The following DIP2C variants were observed in gnomAD, a reference collection of about 807,000 sequenced individuals.
DIP2C encodes the protein disco-interacting protein 2 homolog C.
Under a neutral mutation model 192.4 loss-of-function variants are expected in DIP2C, and 33 were observed. The ratio of observed to expected loss-of-function variants is 0.17; its 90% CI spans 0.13 to 0.23. The LOEUF is 0.23. Among genes scored for constraint, DIP2C ranks in the 10% least tolerant of loss-of-function variants. The pLI is 1.00. For missense variants in DIP2C, 1,537 were observed against 2,110.1 expected (o/e 0.73, Z 5.32); for synonymous variants, 979 against 864.1 (o/e 1.13, Z -2.33).
chr10:644,286 G>A (rs548926403), intron 1 of DIP2C, among the ~76,000 whole-genome samples: 27 of 152,340 alleles, frequency 1.8e-4, no homozygotes, highest in East Asian at 1.3e-3. Context: ...GAGCTGTCCC[G>A]CCAGCCTCTG....
intron 1 of DIP2C, among the ~76,000 whole-genome samples, chr10:649,265 T>C (rs1335554911): frequency 1.4e-5 from 2 of 146,228 alleles, no homozygotes; most frequent in South Asian, 4.4e-4. Context: ...AGAGGAAAAC[T>C]GAGTCCACGT....
chr10:313,473 C>T (rs565823692), intron 31 of DIP2C, among the ~76,000 whole-genome samples: 41 of 51,790 alleles, frequency 7.9e-4, no homozygotes, highest in East Asian at 1.8e-3. Flanking sequence ...CCCAAATATT[C>T]GAAAAAACTG....
intron 2 of DIP2C, among the ~76,000 whole-genome samples, chr10:480,735 A>G (rs1420610141): frequency 9.2e-5 from 14 of 152,240 alleles, no homozygotes; most frequent in African/African-American, 3.4e-4. Flanking sequence ...AAAGACCAGG[A>G]AATAAACGTA....
chr10:430,906 T>C (rs560557815), intron 4 of DIP2C, among the ~76,000 whole-genome samples: 23 of 152,354 alleles, frequency 1.5e-4, no homozygotes, highest in African/African-American at 4.8e-4. Flanking sequence ...GTAAGGTCTG[T>C]GACTAGGTTT....
At chr10:602,972 G>A (rs1409534210) in intron 1 of DIP2C, among the ~76,000 whole-genome samples, 5 of 152,102 alleles carry the variant, frequency 3.3e-5, no homozygotes, top group Non-Finnish European at 5.9e-5. Context: ...AGGCAAGAGT[G>A]CTGGGTGATT....
At chr10:621,001 A>G (rs1387462953) in intron 1 of DIP2C, among the ~76,000 whole-genome samples, 2 of 152,132 alleles carry the variant, frequency 1.3e-5, no homozygotes, top group Non-Finnish European at 2.9e-5. Flanking sequence ...ACGTTCTTGT[A>G]GTTTTCAGTT....
At chr10:373,573 G>A (rs897395832) in intron 17 of DIP2C, among the ~76,000 whole-genome samples, 1 of 152,066 alleles carries the variant, frequency 6.6e-6, no homozygotes, top group African/African-American at 2.4e-5. Flanking sequence ...ACCCCTTGTG[G>A]TCTTTGGAAC....
intron 17 of DIP2C, among the ~76,000 whole-genome samples, chr10:382,342 C>T (rs530346108): frequency 6.6e-6 from 1 of 152,300 alleles, no homozygotes; most frequent in African/African-American, 2.4e-5. Flanking sequence ...TTGGTACACG[C>T]ACATGGAAAT....
intron 1 of DIP2C, among the ~76,000 whole-genome samples, chr10:541,241 T>TG (rs1847968132): frequency 6.6e-6 from 1 of 152,166 alleles, no homozygotes; most frequent in Non-Finnish European, 1.5e-5. Flanking sequence ...ACATCCACTC[T>TG]GGCTGAGGTG....
At position 277,298 on chromosome 10, in the gene DIP2C, A is replaced by G. The variant is rs771920647; in HGVS notation, c.*27T>C. On this transcript the variant is annotated 3_prime_UTR_variant, in exon 37 of 37. Coordinates refer to ENST00000280886, the MANE Select transcript of DIP2C (RefSeq NM_014974.3). ...GGAGAACAATGTCTACATCTCTAGA[A>G]AAGTCCATGGAAGCCAAGAGACGAG... 4.3e-6 allele frequency: 7 copies of G among 1,610,956 alleles called. No individual in the cohort carries two copies. The African/African-American group carries it at 6.7e-5, about 15-fold the overall frequency.
At chr10:657,024 T>C (rs1056132514) in intron 1 of DIP2C, among the ~76,000 whole-genome samples, 2 of 152,178 alleles carry the variant, frequency 1.3e-5, no homozygotes, top group East Asian at 1.9e-4. Context: ...ACATGGGCCA[T>C]GTGGAAAGTT....
At chr10:372,518 A>G (rs1333412695) in intron 17 of DIP2C, among the ~76,000 whole-genome samples, 3 of 152,260 alleles carry the variant, frequency 2.0e-5, no homozygotes, top group African/African-American at 7.2e-5. Context: ...AGGAGGCTGA[A>G]TATGTTCATA....
intron 1 of DIP2C, among the ~76,000 whole-genome samples, chr10:654,398 T>C (rs1856147537): frequency 6.6e-6 from 1 of 152,218 alleles, no homozygotes; most frequent in Admixed American, 6.5e-5. Flanking sequence ...GGCTTTCCAA[T>C]TTTGTTAAAA....
intron 4 of DIP2C, among the ~76,000 whole-genome samples, chr10:439,841 C>CA (rs1372761729): frequency 6.6e-6 from 1 of 152,064 alleles, no homozygotes; most frequent in Admixed American, 6.6e-5. Context: ...AAAATACTCC[C>CA]AAAAAATTGT....
intron 34 of DIP2C, among the ~76,000 whole-genome samples, chr10:284,401 C>G (rs1954990478): frequency 6.6e-6 from 1 of 152,148 alleles, no homozygotes; most frequent in Admixed American, 6.5e-5. Context: ...ATTAAGGCAA[C>G]TGAATATTAC....
At chr10:581,954 C>T (rs994088536) in intron 1 of DIP2C, among the ~76,000 whole-genome samples, 4 of 152,096 alleles carry the variant, frequency 2.6e-5, no homozygotes, top group African/African-American at 7.2e-5. Context: ...GGAATGAAAC[C>T]GTTCCACCTC....
In DIP2C at chr10:579,441, CAT is replaced by C. The variant is rs112385142; in HGVS notation, c.86-92913_86-92912del. On this transcript the variant is annotated intron_variant, in intron 1 of 36. Transcript: ENST00000280886. ...GTATGTACATAGGTACACTATAACA[CAT>C]GTGTACATGCATAGAGCGTACACAC... Among the ~76,000 whole-genome samples, 141 of 151,780 alleles carry C rather than the reference CAT, an allele frequency of 9.3e-4. 2 individuals carry two copies. Among genetic ancestry groups the C allele is most frequent in the East Asian group, 2.7e-3 (14 of 5,118 alleles).
chr10:599,803 G>A (rs927882303), intron 1 of DIP2C, among the ~76,000 whole-genome samples: 3 of 152,180 alleles, frequency 2.0e-5, no homozygotes, highest in South Asian at 2.1e-4. Context: ...GAGAGGGGAC[G>A]AGCTGTGTTT....
At position 277,469 on chromosome 10, in the gene DIP2C, C is replaced by T. The variant is rs113153496; in HGVS notation, c.4527G>A (p.Glu1509=). 38 of 1,614,194 alleles carry T rather than the reference C, an allele frequency of 2.4e-5. No homozygotes were observed. In the African/African-American group the frequency reaches 4.1e-4, roughly 18 times the overall value. ...VPLVTNVVLE[E]HYLIVGVVVV... is the part of the protein sequence containing the mutation. ...CCACCACTCCGACGATCAGGTAGTG[C>T]TCCTCCAGGACCACGTTGGTCACCA... The change falls in exon 37 of 37, where the codon GAG becomes GAA. Residue 1509 remains glutamate, a synonymous_variant. Transcript: ENST00000280886.
Sources: allele counts gnomAD v4.1 joint callset (sites outside exome capture counted in the v4.1 genomes callset), GRCh38; gene constraint gnomAD v4.1.1; transcripts MANE v1.5; gene names NCBI Gene and HGNC (gene_info 2026-07-23, HGNC 2026-07-21).